The following NPHP4 variants were observed in gnomAD, a reference collection of about 807,000 sequenced individuals.
NPHP4 encodes the protein nephrocystin 4, also known as nephrocystin-4.
Under a neutral mutation model 155.8 loss-of-function variants are expected in NPHP4, and 151 were observed. The observed-to-expected ratio is 0.97, with a 90% confidence interval of 0.85 to 1.11. The LOEUF (loss-of-function observed/expected upper bound fraction) is 1.11. Ranked by LOEUF, NPHP4 falls within the 50% of genes least tolerant of loss-of-function variation. The probability of loss-of-function intolerance (pLI) is 0.00; values close to 1 mark genes in which losing one functional copy is unlikely to be tolerated. For missense variants in NPHP4, 1,956 were observed against 1,925.7 expected (o/e 1.02, Z -0.29); for synonymous variants, 845 against 816.8 (o/e 1.03, Z -0.59).
intron 10 of NPHP4, among the ~76,000 whole-genome samples, chr1:5,928,557 T>A (rs1305563855): frequency 6.6e-6 from 1 of 152,130 alleles, no homozygotes; most frequent in East Asian, 1.9e-4. Flanking sequence ...TCTCCAAGAG[T>A]AGGACTGCTG....
At chr1:5,887,498 G>A (rs1273995020) in intron 17 of NPHP4, 32 bp from the exon 18 acceptor site, 9 of 1,607,950 alleles carry the variant, frequency 5.6e-6, no homozygotes, top group Admixed American at 3.3e-5. Flanking sequence ...TCAGAGGCTG[G>A]AGCCGGCCCT....
chr1:5,961,965 C>T lies in NPHP4; in HGVS notation c.518-16G>A. On this transcript the variant is annotated splice_polypyrimidine_tract_variant and intron_variant, in intron 5 of 29. Coordinates refer to ENST00000378156, the MANE Select transcript of NPHP4 (RefSeq NM_015102.5). ...TGTCTGTTTTCTGGTGAAGAAAACA[C>T]AATGTGATCAACTGATAGCTGAAAG... The T allele has an allele frequency of 6.3e-7, 1 of 1,586,270 alleles. No homozygotes were observed. Among genetic ancestry groups the T allele is most frequent in the South Asian group, 1.1e-5 (1 of 89,978 alleles).
At position 5,880,054 on chromosome 1, in the gene NPHP4, TC is replaced by T. The variant is rs1485280691; in HGVS notation, c.2611+59del. 10 of 1,597,230 alleles carry T rather than the reference TC, an allele frequency of 6.3e-6. No homozygotes were observed. In the Admixed American group the frequency reaches 1.7e-4, roughly 27 times the overall value. The stretch of plus-strand genomic sequence containing the variant: ...ATGCACACACACACACACGCAGTCT[TC>T]CACCTCTCACCCACCACTCACGACC... On this transcript the variant is annotated intron_variant, in intron 19 of 29. Coordinates refer to ENST00000378156, the MANE Select transcript of NPHP4 (RefSeq NM_015102.5).
chr1:5,877,351 G>C (rs1172797968), intron 19 of NPHP4, 53 bp from the exon 20 acceptor site: 15 of 1,481,302 alleles, frequency 1.0e-5, no homozygotes, highest in South Asian at 1.3e-5. Flanking sequence ...CTGCCTTCCA[G>C]GAGCAGACAC....
chr1:5,875,230 C>T (rs745367236), intron 20 of NPHP4, 130 bp from the exon 21 acceptor site: 4 of 743,450 alleles, frequency 5.4e-6, no homozygotes, highest in South Asian at 1.6e-5. Flanking sequence ...ACCACCACCC[C>T]CTTCCTTGAC....
chr1:5,933,728 AC>A (rs1295367661), intron 9 of NPHP4, among the ~76,000 whole-genome samples: 10 of 152,240 alleles, frequency 6.6e-5, no homozygotes, highest in African/African-American at 1.9e-4. Context: ...TCAGGAAAAT[AC>A]TAGGAACAGC....
At chr1:5,983,771 T>C (rs878876277) in intron 2 of NPHP4, among the ~76,000 whole-genome samples, 1 of 152,204 alleles carries the variant, frequency 6.6e-6, no homozygotes, top group Admixed American at 6.5e-5. Flanking sequence ...ATCACTGTCT[T>C]TATGAGGTGC....
In NPHP4 at chr1:5,981,872, T is replaced by C. The variant is rs1284100202; in HGVS notation, c.136-3459A>G. On this transcript the variant is annotated intron_variant, in intron 2 of 29. Coordinates refer to ENST00000378156, the MANE Select transcript of NPHP4 (RefSeq NM_015102.5). The stretch of plus-strand genomic sequence containing the variant: ...TTCAGGGCTGCTGTGTTAATATTCA[T>C]GAGGGATACAAGTCTGTACTTTTTT... 2.6e-5 allele frequency among the ~76,000 whole-genome samples: 4 copies of C among 152,344 alleles called. No homozygotes were observed. The East Asian group carries it at 7.7e-4, about 29-fold the overall frequency.
chr1:5,907,853 G>C (rs1391730629), intron 12 of NPHP4, among the ~76,000 whole-genome samples: 2 of 152,220 alleles, frequency 1.3e-5, no homozygotes, highest in African/African-American at 4.8e-5. Context: ...GACAATCCTG[G>C]CTAGGGTTTG....
At chr1:5,869,089 A>G (rs1397263351) in intron 23 of NPHP4, among the ~76,000 whole-genome samples, 1 of 141,712 alleles carries the variant, frequency 7.1e-6, no homozygotes, top group Admixed American at 7.0e-5. Context: ...ATGCACCCAC[A>G]CATGCACACA....
chr1:5,921,403 A>G (rs1249407887), intron 11 of NPHP4, among the ~76,000 whole-genome samples: 1 of 152,232 alleles, frequency 6.6e-6, no homozygotes, highest in Non-Finnish European at 1.5e-5. Flanking sequence ...TAAATATTAC[A>G]AAATCACTCT....
intron 2 of NPHP4, among the ~76,000 whole-genome samples, chr1:5,982,396 A>G (rs2102416246): frequency 6.6e-6 from 1 of 152,354 alleles, no homozygotes; most frequent in Middle Eastern, 3.4e-3. Flanking sequence ...GCAACAGGCT[A>G]TACCATGGAG....
intron 16 of NPHP4, among the ~76,000 whole-genome samples, chr1:5,897,585 G>A (rs1644456469): frequency 6.6e-6 from 1 of 152,174 alleles, no homozygotes; most frequent in African/African-American, 2.4e-5. Flanking sequence ...AAGCAACCAG[G>A]TAAGCCCGGA....
chr1:5,934,688 G>T (rs981853518), intron 9 of NPHP4, among the ~76,000 whole-genome samples: 5 of 152,198 alleles, frequency 3.3e-5, no homozygotes, highest in Admixed American at 2.0e-4. Context: ...ATGAACCCAG[G>T]CAGCATCGCA....
intron 9 of NPHP4, among the ~76,000 whole-genome samples, chr1:5,941,475 G>GA (rs1161376005): frequency 1.3e-5 from 2 of 151,004 alleles, no homozygotes; most frequent in African/African-American, 2.4e-5. Context: ...ACACAGCCAG[G>GA]AAAAAAAATA....
At chr1:5,907,347 T>C (rs150104532) in intron 12 of NPHP4, 125 bp from the exon 13 acceptor site, 109 of 542,878 alleles carry the variant, frequency 2.0e-4, no homozygotes, top group African/African-American at 1.5e-3. Context: ...AAGGGAGTGA[T>C]GCCTGCAGCC....
At chr1:5,925,895 G>T (rs1417397815) in intron 11 of NPHP4, among the ~76,000 whole-genome samples, 1 of 152,318 alleles carries the variant, frequency 6.6e-6, no homozygotes, top group Middle Eastern at 3.4e-3. Context: ...GATTACAGGC[G>T]TGAGCCACCG....
At chr1:5,929,353 C>G (rs1431517135) in intron 10 of NPHP4, among the ~76,000 whole-genome samples, 1 of 152,180 alleles carries the variant, frequency 6.6e-6, no homozygotes, top group Non-Finnish European at 1.5e-5. Flanking sequence ...TGAATGCTAA[C>G]AGTGGACATC....
chr1:5,953,471 G>C (rs1042320124), intron 6 of NPHP4, among the ~76,000 whole-genome samples: 1 of 152,178 alleles, frequency 6.6e-6, no homozygotes, highest in Non-Finnish European at 1.5e-5. Flanking sequence ...GACACGTGCG[G>C]CCCTGCAGCC....
Sources: allele counts gnomAD v4.1 joint callset (sites outside exome capture counted in the v4.1 genomes callset), GRCh38; gene constraint gnomAD v4.1.1; transcripts MANE v1.5; gene names NCBI Gene and HGNC (gene_info 2026-07-23, HGNC 2026-07-21).